Variants in THRB observed in about 807,000 individuals in gnomAD.
THRB encodes thyroid hormone receptor beta.
Under a neutral mutation model 47.8 loss-of-function variants are expected in THRB, and 12 were observed. The observed-to-expected ratio is 0.25, with a 90% CI of 0.16 to 0.41. THRB has a LOEUF of 0.41. THRB is among the 10% of genes least tolerant of loss of function. THRB has a pLI of 1.00. For synonymous variants in THRB, 218 were observed against 212.2 expected, an observed-to-expected ratio of 1.03 and a Z score of -0.24; for missense variants, 348 against 589.2, an observed-to-expected ratio of 0.59 and a Z score of 4.24.
intron 1 of THRB, among the ~76,000 whole-genome samples, chr3:24,483,208 A>C (rs1696738346): frequency 6.6e-6 from 1 of 152,106 alleles, no homozygotes; most frequent in African/African-American, 2.4e-5. Context: ...GACCTGGCTG[A>C]GTATTTAATA....
chr3:24,417,808 T>A (rs570053073), intron 1 of THRB, among the ~76,000 whole-genome samples: 4 of 152,036 alleles, frequency 2.6e-5, no homozygotes, highest in Admixed American at 1.3e-4. Context: ...TCATCACCAC[T>A]TGTGCCACTG....
intron 3 of THRB, among the ~76,000 whole-genome samples, chr3:24,296,158 C>G (rs1035003805): frequency 6.6e-6 from 1 of 152,152 alleles, no homozygotes; most frequent in Non-Finnish European, 1.5e-5. Context: ...TATTGCCATT[C>G]CAGCCTAGAG....
chr3:24,181,357 T>C (rs2149469665), intron 5 of THRB, among the ~76,000 whole-genome samples: 1 of 152,372 alleles, frequency 6.6e-6, no homozygotes, highest in African/African-American at 2.4e-5. Context: ...AGAGAATTAT[T>C]GATTTAGCCA....
chr3:24,442,841 C>T (rs867504412), intron 1 of THRB, among the ~76,000 whole-genome samples: 10 of 141,094 alleles, frequency 7.1e-5, no homozygotes, highest in African/African-American at 2.7e-4. Context: ...AAAAAAAAAA[C>T]AAAAACAAAA....
chr3:24,465,975 C>G (rs537927326), intron 1 of THRB, among the ~76,000 whole-genome samples: 2 of 152,174 alleles, frequency 1.3e-5, no homozygotes, highest in Non-Finnish European at 2.9e-5. Flanking sequence ...TCACTCTAAG[C>G]TCTTTATTTA....
intron 1 of THRB, among the ~76,000 whole-genome samples, chr3:24,435,598 G>A (rs560177485): frequency 2.0e-4 from 30 of 152,280 alleles, no homozygotes; most frequent in African/African-American, 7.2e-4. Flanking sequence ...CTTGTACAAA[G>A]TATGGGTATA....
At chr3:24,442,852 A>T (rs1263814531) in intron 1 of THRB, among the ~76,000 whole-genome samples, 4 of 151,512 alleles carry the variant, frequency 2.6e-5, no homozygotes, top group Admixed American at 2.6e-4. Context: ...AAAAACAAAA[A>T]CAGAAAACTA....
intron 3 of THRB, among the ~76,000 whole-genome samples, chr3:24,253,034 A>G (rs1296432670): frequency 6.6e-6 from 1 of 152,108 alleles, no homozygotes; most frequent in Non-Finnish European, 1.5e-5. Context: ...AAATGAATAC[A>G]ATACAATACA....
intron 4 of THRB, among the ~76,000 whole-genome samples, chr3:24,192,570 G>C (rs1047791513): frequency 6.6e-6 from 1 of 152,068 alleles, no homozygotes; most frequent in Admixed American, 6.6e-5. Context: ...AGCCAAACTG[G>C]GTAGTCATTA....
At chr3:24,413,646 C>T (rs547223346) in intron 1 of THRB, among the ~76,000 whole-genome samples, 1 of 151,590 alleles carries the variant, frequency 6.6e-6, no homozygotes, top group South Asian at 2.1e-4. Flanking sequence ...TATACATGTG[C>T]CATGTTGGTG....
intron 4 of THRB, among the ~76,000 whole-genome samples, chr3:24,199,807 G>A (rs1337228851): frequency 6.6e-6 from 1 of 152,158 alleles, no homozygotes; most frequent in Non-Finnish European, 1.5e-5. Flanking sequence ...AACAACGTGT[G>A]TTCAAAGACC....
intron 1 of THRB, among the ~76,000 whole-genome samples, chr3:24,421,374 C>A (rs1234064238): frequency 1.4e-5 from 2 of 145,564 alleles, no homozygotes; most frequent in Non-Finnish European, 3.1e-5. Context: ...AAAAAAAAAA[C>A]CTCTTTAAGG....
chr3:24,250,240 C>G (rs1490738975), intron 3 of THRB, among the ~76,000 whole-genome samples: 1 of 152,148 alleles, frequency 6.6e-6, no homozygotes, highest in Non-Finnish European at 1.5e-5. Context: ...TCACCAATTC[C>G]CTGTACCCCT....
Position 24,152,470 on chromosome 3 carries a change from C to T in THRB, c.304G>A (p.Asp102Asn). 2 of 1,598,450 alleles carry T rather than the reference C, an allele frequency of 1.3e-6. No individual in the cohort carries two copies. The highest frequency in any genetic ancestry group is 1.7e-6 in the Non-Finnish European group (2 of 1,166,008). ...KCKGYIPSYLDKDELCVVCGD... is the reference protein window; with the variant it reads ...KCKGYIPSYLNKDELCVVCGD... ...CACACTACACAGAGCTCGTCCTTGT[C>T]TAAGTAACTGGGGATGTACCCTGTG... Residue 102 changes from aspartate to asparagine, a missense_variant, in exon 6 of 11, where the codon GAC becomes AAC. By Grantham distance (23) the Asp-to-Asn change is conservative (BLOSUM62 1). Around this residue, in one of 5 missense-constraint regions of THRB, gnomAD observed 112 missense variants for 212.3 expected, o/e 0.53. Coordinates refer to ENST00000646209, the MANE Select transcript of THRB (RefSeq NM_001354712.2).
chr3:24,383,819 A>G (rs2065882685), intron 1 of THRB, among the ~76,000 whole-genome samples: 2 of 152,194 alleles, frequency 1.3e-5, no homozygotes, highest in Admixed American at 1.3e-4. Flanking sequence ...GTCTTTTCAC[A>G]GAAAGGAACA....
intron 3 of THRB, among the ~76,000 whole-genome samples, chr3:24,273,496 G>A (rs2053567817): frequency 6.6e-6 from 1 of 152,110 alleles, no homozygotes; most frequent in Non-Finnish European, 1.5e-5. Context: ...AGTGGTCCCT[G>A]CTCCACAACA....
intron 3 of THRB, among the ~76,000 whole-genome samples, chr3:24,230,322 A>G (rs890660412): frequency 1.3e-5 from 2 of 152,200 alleles, no homozygotes; most frequent in Non-Finnish European, 2.9e-5. Context: ...TCATGTTTAT[A>G]TCTTCTACAC....
At chr3:24,283,896 G>C (rs1380626585) in intron 3 of THRB, among the ~76,000 whole-genome samples, 1 of 138,106 alleles carries the variant, frequency 7.2e-6, no homozygotes, top group Non-Finnish European at 1.6e-5. Context: ...CCTCTTCAAG[G>C]AGAACTACAA....
chr3:24,392,425 C>T (rs965501554), intron 1 of THRB, among the ~76,000 whole-genome samples: 9 of 152,050 alleles, frequency 5.9e-5, no homozygotes, highest in Admixed American at 3.9e-4. Context: ...ATACAATAAG[C>T]TATTGTTAAC....
Sources: allele counts gnomAD v4.1 joint callset (sites outside exome capture counted in the v4.1 genomes callset), GRCh38; gene constraint gnomAD v4.1.1; regional missense constraint gnomAD v4.1.1; transcripts MANE v1.5; gene names NCBI Gene and HGNC (gene_info 2026-07-23, HGNC 2026-07-21).